PPARGC1A: variants seen among roughly 807,000 people sequenced by gnomAD.
The protein encoded by PPARGC1A is PPARG coactivator 1 alpha.
In PPARGC1A, 25 loss-of-function variants were observed where a neutral mutation model predicts 88.7. The ratio of observed to expected loss-of-function variants is 0.28; its 90% CI spans 0.21 to 0.39. The LOEUF (loss-of-function observed/expected upper bound fraction) is 0.39, where lower values mean the gene tolerates loss of function less well. PPARGC1A is among the 10% of genes least tolerant of loss of function. The pLI is 1.00. For synonymous variants in PPARGC1A, 363 were observed against 355.6 expected (o/e 1.02, Z -0.24); for missense variants, 880 against 968.7 (o/e 0.91, Z 1.22).
chr4:24,229,571 G>T, the PPARGC1A span, among the ~76,000 whole-genome samples: 15 of 151,272 alleles, frequency 9.9e-5, 1 homozygote, highest in Non-Finnish European at 2.2e-4. Context: ...AGTGGCTCAT[G>T]CCTGTAATCC....
chr4:24,339,191 C>CGTGTGTGTGT, the PPARGC1A span, among the ~76,000 whole-genome samples: 164 of 102,770 alleles, frequency 1.6e-3, no homozygotes, highest in Admixed American at 2.4e-3. Flanking sequence ...AAGGTTCATC[C>CGTGTGTGTGT]ATGTGTGTGT....
chr4:24,002,780 C>A, the PPARGC1A span, among the ~76,000 whole-genome samples: 1 of 152,126 alleles, frequency 6.6e-6, no homozygotes, highest in Admixed American at 6.5e-5. Flanking sequence ...CACTGTTTCA[C>A]TGTTTGGATT....
chr4:24,407,061 C>T, the PPARGC1A span, among the ~76,000 whole-genome samples: 10,774 of 152,118 alleles, frequency 0.071, 394 homozygotes, highest in Middle Eastern at 0.11. Context: ...CCAGGCACCA[C>T]CAGACATGCA....
the PPARGC1A span, among the ~76,000 whole-genome samples, chr4:24,192,006 C>T: frequency 6.6e-6 from 1 of 152,154 alleles, no homozygotes; most frequent in Non-Finnish European, 1.5e-5. Flanking sequence ...TCAGCCACGC[C>T]TCGATGGACA....
the PPARGC1A span, among the ~76,000 whole-genome samples, chr4:24,259,576 A>C: frequency 6.6e-5 from 10 of 152,232 alleles, no homozygotes; most frequent in African/African-American, 2.4e-4. Flanking sequence ...TTAGATACAA[A>C]TACTTACCAT....
At chr4:24,118,375 G>A in the PPARGC1A span, among the ~76,000 whole-genome samples, 4 of 152,138 alleles carry the variant, frequency 2.6e-5, no homozygotes, top group Non-Finnish European at 2.9e-5. Flanking sequence ...AACGTTAGAA[G>A]GTGCCACTCG....
At chr4:24,251,503 A>G in the PPARGC1A span, among the ~76,000 whole-genome samples, 1 of 152,240 alleles carries the variant, frequency 6.6e-6, no homozygotes, top group East Asian at 1.9e-4. Context: ...CCTAAACCAA[A>G]ACTAATAAAC....
At chr4:24,451,640 C>T in the PPARGC1A span, among the ~76,000 whole-genome samples, 1 of 152,148 alleles carries the variant, frequency 6.6e-6, no homozygotes. Flanking sequence ...TGCACTGGCA[C>T]CATCTCGGCT....
intron 1 of PPARGC1A, among the ~76,000 whole-genome samples, chr4:23,897,946 T>C (rs1031347897): frequency 3.3e-5 from 5 of 152,190 alleles, no homozygotes; most frequent in African/African-American, 4.8e-5. Context: ...ACACAACTGA[T>C]GTGGTAGTCA....
At chr4:24,230,622 A>C in the PPARGC1A span, among the ~76,000 whole-genome samples, 26 of 152,278 alleles carry the variant, frequency 1.7e-4, no homozygotes, top group Middle Eastern at 6.8e-3. Flanking sequence ...CAGCAAAAGG[A>C]AGGCATCTGA....
chr4:24,313,228 T>G, the PPARGC1A span, among the ~76,000 whole-genome samples: 2 of 152,164 alleles, frequency 1.3e-5, no homozygotes, highest in Non-Finnish European at 2.9e-5. Context: ...GCAGGGAAAC[T>G]AAATAATGTA....
intron 1 of PPARGC1A, 32 bp downstream of exon 1, chr4:23,889,872 T>C: frequency 6.2e-7 from 1 of 1,609,320 alleles, no homozygotes. Context: ...GCGTCAGTTG[T>C]GGCTGCAGCG....
chr4:24,334,705 G>A, the PPARGC1A span, among the ~76,000 whole-genome samples: 1 of 152,130 alleles, frequency 6.6e-6, no homozygotes, highest in African/African-American at 2.4e-5. Flanking sequence ...GAGGATGTTG[G>A]GGGGCATGTG....
chr4:24,281,040 C>T, the PPARGC1A span, among the ~76,000 whole-genome samples: 1 of 152,168 alleles, frequency 6.6e-6, no homozygotes, highest in Non-Finnish European at 1.5e-5. Context: ...CTCTATTTCC[C>T]TGCCTATCTC....
chr4:24,175,498 C>T, the PPARGC1A span, among the ~76,000 whole-genome samples: 84 of 149,764 alleles, frequency 5.6e-4, 2 homozygotes, highest in South Asian at 0.017. Context: ...CCTCAGCCTC[C>T]CAAGTAGCTG....
the PPARGC1A span, among the ~76,000 whole-genome samples, chr4:24,238,013 G>T: frequency 5.3e-5 from 8 of 152,170 alleles, no homozygotes; most frequent in Non-Finnish European, 8.8e-5. Flanking sequence ...ACGTGGATGA[G>T]GAAATCGACA....
chr4:24,391,209 C>T, the PPARGC1A span, among the ~76,000 whole-genome samples: 1 of 152,042 alleles, frequency 6.6e-6, no homozygotes, highest in African/African-American at 2.4e-5. Flanking sequence ...GAGTGATCTC[C>T]GCAAAATTTG....
chr4:23,828,271 G>T, intron 5 of PPARGC1A, 129 bp downstream of exon 5: 1 of 962,144 alleles, frequency 1.0e-6, no homozygotes, highest in Non-Finnish European at 1.6e-6. Flanking sequence ...TGTAATAAGT[G>T]CTGAATTCTC....
At chr4:23,807,731 T>C (rs1720069484) in intron 10 of PPARGC1A, among the ~76,000 whole-genome samples, 1 of 151,656 alleles carries the variant, frequency 6.6e-6, no homozygotes, top group East Asian at 1.9e-4. Flanking sequence ...TGTGTTTTTT[T>C]CTTTTGTGTG....
Sources: gnomAD v4.1 joint callset for allele counts (sites outside exome capture counted in the v4.1 genomes callset) on GRCh38, gnomAD v4.1.1 for gene constraint, MANE v1.5 for transcripts, NCBI Gene and HGNC (gene_info 2026-07-23, HGNC 2026-07-21) for gene names.